PPP4R4: variants seen among roughly 807,000 people sequenced by gnomAD.
PPP4R4 encodes protein phosphatase 4 regulatory subunit 4.
Under a neutral mutation model 121.8 loss-of-function variants are expected in PPP4R4, and 70 were observed. That is an observed-to-expected ratio of 0.57 (90% CI 0.47 to 0.70). The LOEUF (loss-of-function observed/expected upper bound fraction) is 0.70, where lower values mean the gene tolerates loss of function less well. Ranked by LOEUF, PPP4R4 falls within the 30% of genes least tolerant of loss-of-function variation. The probability of loss-of-function intolerance (pLI) is 0.00; values close to 1 mark genes in which losing one functional copy is unlikely to be tolerated. For missense variants in PPP4R4, 875 were observed against 1,033.6 expected (o/e 0.85, Z 2.10); for synonymous variants, 348 against 355.7 (o/e 0.98, Z 0.24).
At chr14:94,219,944 C>T (rs920254240) in intron 3 of PPP4R4, among the ~76,000 whole-genome samples, 7 of 152,214 alleles carry the variant, frequency 4.6e-5, no homozygotes, top group Non-Finnish European at 7.4e-5. Context: ...TAAAATAAGG[C>T]CTGGCATGGT....
At chr14:94,241,281 T>C (rs115415329) in intron 9 of PPP4R4, among the ~76,000 whole-genome samples, 6 of 152,112 alleles carry the variant, frequency 3.9e-5, no homozygotes, top group Non-Finnish European at 8.8e-5. Flanking sequence ...CAATATATTA[T>C]GAGTTTCTAG....
chr14:94,245,377 C>G (rs960589671), intron 12 of PPP4R4, among the ~76,000 whole-genome samples: 4 of 151,972 alleles, frequency 2.6e-5, no homozygotes, highest in African/African-American at 9.7e-5. Context: ...GGCAGGTACA[C>G]TAATCTCTTT....
At chr14:94,227,194 C>G in intron 3 of PPP4R4, 1 of 974,272 alleles carries the variant, frequency 1.0e-6, no homozygotes, top group African/African-American at 1.7e-5. Context: ...AGTTGGGATG[C>G]CAGCCGTACA....
At chr14:94,242,894 G>A (rs1892707142) in intron 11 of PPP4R4, among the ~76,000 whole-genome samples, 1 of 152,168 alleles carries the variant, frequency 6.6e-6, no homozygotes, top group South Asian at 2.1e-4. Context: ...AAACTTTTAT[G>A]ATGAATTTAA....
At position 94,234,563 on chromosome 14, in the gene PPP4R4, A is replaced by G; in HGVS notation, c.625A>G (p.Ile209Val). 1 of 1,571,334 alleles carries G rather than the reference A, an allele frequency of 6.4e-7. No individual in the cohort carries two copies. Among genetic ancestry groups the G allele is most frequent in the Non-Finnish European group, 8.8e-7 (1 of 1,142,516 alleles). The change falls in exon 7 of 25, where the codon ATT (isoleucine) becomes GTT (valine). Residue 209 changes from isoleucine (I) to valine (V), a missense_variant and splice_region_variant. Ile to Val is a conservative substitution (Grantham distance 29). Transcript: ENST00000304338. ...KLTNKFDAHT[I>V]KREILPLVKS... The stretch of plus-strand genomic sequence containing the variant: ...TGTTTCTTTTCTCCCCACCTTCAGC[A>G]TTAAGCGAGAAATACTTCCTCTGGT...
intron 19 of PPP4R4, among the ~76,000 whole-genome samples, chr14:94,260,194 G>A (rs1014044982): frequency 6.6e-6 from 1 of 152,150 alleles, no homozygotes; most frequent in African/African-American, 2.4e-5. Flanking sequence ...GGGAGGCCGA[G>A]GCAGACGGAT....
intron 2 of PPP4R4, among the ~76,000 whole-genome samples, chr14:94,190,654 A>T (rs12432761): frequency 0.12 from 17,813 of 152,180 alleles, 1,263 homozygotes; most frequent in African/African-American, 0.19. Flanking sequence ...AGGAATTTTT[A>T]CTGCTATTTG....
At chr14:94,244,449 C>T (rs1892785401) in intron 11 of PPP4R4, among the ~76,000 whole-genome samples, 186 bp from the exon 12 acceptor site, 2 of 152,086 alleles carry the variant, frequency 1.3e-5, no homozygotes, top group South Asian at 2.1e-4. Context: ...CAGCATGTCA[C>T]GAGGCAGACT....
intron 3 of PPP4R4, among the ~76,000 whole-genome samples, chr14:94,221,783 T>C (rs1891411476): frequency 6.6e-6 from 1 of 152,076 alleles, no homozygotes; most frequent in South Asian, 2.1e-4. Flanking sequence ...TACAACAACT[T>C]TAGAAAACAG....
At chr14:94,198,268 A>T (rs980886980) in intron 2 of PPP4R4, among the ~76,000 whole-genome samples, 1 of 152,296 alleles carries the variant, frequency 6.6e-6, no homozygotes, top group Non-Finnish European at 1.5e-5. Context: ...GTTGTAATGT[A>T]ATTTTACCTA....
chr14:94,196,807 C>T (rs1301107798), intron 2 of PPP4R4, among the ~76,000 whole-genome samples: 1 of 151,948 alleles, frequency 6.6e-6, no homozygotes, highest in Non-Finnish European at 1.5e-5. Flanking sequence ...TCATATCTTA[C>T]ACATTAAAAA....
intron 14 of PPP4R4, among the ~76,000 whole-genome samples, chr14:94,247,145 A>G (rs1252145186): frequency 6.6e-6 from 1 of 152,244 alleles, no homozygotes; most frequent in Non-Finnish European, 1.5e-5. Context: ...TTAATTGTCT[A>G]CTTTTTTCAC....
At chr14:94,242,154 C>G in intron 10 of PPP4R4, 135 bp from the exon 11 acceptor site, 6 of 1,238,238 alleles carry the variant, frequency 4.8e-6, no homozygotes, top group African/African-American at 1.5e-5. Context: ...ATATTTGGAT[C>G]TTCCAAATAT....
At chr14:94,228,876 G>C (rs1891864170) in intron 3 of PPP4R4, among the ~76,000 whole-genome samples, 1 of 152,134 alleles carries the variant, frequency 6.6e-6, no homozygotes, top group Non-Finnish European at 1.5e-5. Context: ...ACTGGTAAAG[G>C]GGGGTAGTGA....
intron 7 of PPP4R4, among the ~76,000 whole-genome samples, chr14:94,236,209 A>T (rs1359339055): frequency 6.6e-6 from 1 of 152,192 alleles, no homozygotes; most frequent in Admixed American, 6.5e-5. Context: ...TAATGCCCAG[A>T]GATAATTAAG....
At chr14:94,193,893 TGCTAG>T (rs1443873770) in intron 2 of PPP4R4, among the ~76,000 whole-genome samples, 2 of 152,216 alleles carry the variant, frequency 1.3e-5, no homozygotes, top group African/African-American at 2.4e-5. Context: ...TGTGCTGCTT[TGCTAG>T]GCATTGGGGA....
chr14:94,199,918 C>T (rs1383698993), intron 2 of PPP4R4, among the ~76,000 whole-genome samples: 3 of 152,072 alleles, frequency 2.0e-5, no homozygotes, highest in Non-Finnish European at 4.4e-5. Flanking sequence ...TTTATAGGCA[C>T]AGGATGAGGG....
chr14:94,207,666 T>A (rs1205887726), intron 2 of PPP4R4, among the ~76,000 whole-genome samples: 1 of 151,682 alleles, frequency 6.6e-6, no homozygotes, highest in Non-Finnish European at 1.5e-5. Context: ...GGTGATGCCA[T>A]GTTTATTAGC....
chr14:94,224,248 G>A (rs1383477886), intron 3 of PPP4R4, among the ~76,000 whole-genome samples: 2 of 152,094 alleles, frequency 1.3e-5, no homozygotes, highest in African/African-American at 4.8e-5. Flanking sequence ...CAGATCCTTA[G>A]GTGCATTATG....
Sources: gnomAD v4.1 joint callset for allele counts (sites outside exome capture counted in the v4.1 genomes callset) on GRCh38, gnomAD v4.1.1 for gene constraint, MANE v1.5 for transcripts, NCBI Gene and HGNC (gene_info 2026-07-23, HGNC 2026-07-21) for gene names.